TBC1D1: variants seen among roughly 807,000 people sequenced by gnomAD.
TBC1D1 encodes the protein TBC1 (tre-2/USP6, BUB2, cdc16) domain family, member 1.
Under a neutral mutation model 125.6 loss-of-function variants are expected in TBC1D1, and 89 were observed. That is an observed-to-expected ratio of 0.71 (90% CI 0.60 to 0.85). TBC1D1 has a LOEUF of 0.85. Among genes scored for constraint, TBC1D1 ranks in the 40% least tolerant of loss-of-function variants. TBC1D1 has a pLI of 0.00. For missense variants in TBC1D1, 1,377 were observed against 1,469.2 expected, an observed-to-expected ratio of 0.94 and a Z score of 1.03; for synonymous variants, 565 against 564.1, an observed-to-expected ratio of 1.00 and a Z score of -0.02.
At chr4:38,135,701 G>T (rs182495416) in intron 19 of TBC1D1, among the ~76,000 whole-genome samples, 1 of 152,292 alleles carries the variant, frequency 6.6e-6, no homozygotes, top group African/African-American at 2.4e-5. Flanking sequence ...TGCCCAGTAG[G>T]CTGACAAACT....
chr4:38,078,724 C>T, intron 12 of TBC1D1, among the ~76,000 whole-genome samples: 1 of 152,204 alleles, frequency 6.6e-6, no homozygotes, highest in Admixed American at 6.5e-5. Flanking sequence ...TCTTGGACTT[C>T]CCCTCCAGAA....
At chr4:37,901,389 T>G (rs1209191714) in intron 1 of TBC1D1, among the ~76,000 whole-genome samples, 1 of 152,120 alleles carries the variant, frequency 6.6e-6, no homozygotes, top group Non-Finnish European at 1.5e-5. Flanking sequence ...ACTCCTGACC[T>G]CAGGTGATCC....
chr4:37,894,489 T>A (rs1577718685), intron 1 of TBC1D1, among the ~76,000 whole-genome samples: 1 of 152,202 alleles, frequency 6.6e-6, no homozygotes, highest in Admixed American at 6.6e-5. Context: ...CATTTAATTT[T>A]GAGTGTGCCT....
At position 38,137,316 on chromosome 4, in the gene TBC1D1, C is replaced by T. The variant is rs1188008731; in HGVS notation, c.3488C>T (p.Pro1163Leu). The T allele has an allele frequency of 4.3e-6, 7 of 1,610,998 alleles. No homozygotes were observed. The highest frequency in any genetic ancestry group is 5.1e-6 in the Non-Finnish European group (6 of 1,179,560). The change falls in exon 20 of 20, where the codon CCC becomes CTC. Residue 1163 changes from proline to leucine, a missense_variant. By Grantham distance (98) the Pro-to-Leu change is moderately conservative (BLOSUM62 -3). Around this residue, in one of 3 missense-constraint regions of TBC1D1, gnomAD observed 543 missense variants for 613.5 expected, o/e 0.89. Transcript: ENST00000261439. ...GACCGGGAGCCTGAGTGCACGCAGC[C>T]CGAGCCCACGGGCGACTGACAGCTC... is the stretch of plus-strand genomic sequence containing the variant.
intron 2 of TBC1D1, among the ~76,000 whole-genome samples, chr4:38,000,225 A>G (rs1738752335): frequency 6.6e-6 from 1 of 152,130 alleles, no homozygotes; most frequent in African/African-American, 2.4e-5. Flanking sequence ...TGGTGATTGT[A>G]TTTTTGAGAT....
At chr4:38,019,577 G>A (rs1743555816) in intron 4 of TBC1D1, among the ~76,000 whole-genome samples, 1 of 152,122 alleles carries the variant, frequency 6.6e-6, no homozygotes, top group African/African-American at 2.4e-5. Context: ...AAAGAGTGTA[G>A]TTTACAAGTT....
chr4:37,973,777 T>A (rs1285982687), intron 2 of TBC1D1, among the ~76,000 whole-genome samples: 1 of 152,240 alleles, frequency 6.6e-6, no homozygotes, highest in Admixed American at 6.5e-5. Flanking sequence ...CCAGGGCCTA[T>A]TGGTCAGTAC....
intron 2 of TBC1D1, among the ~76,000 whole-genome samples, chr4:37,903,978 A>C (rs1414391917): frequency 6.6e-6 from 1 of 152,184 alleles, no homozygotes. Flanking sequence ...CACACATCTC[A>C]AGTGGGCACG....
chr4:38,043,335 C>T (rs560970632), intron 8 of TBC1D1, among the ~76,000 whole-genome samples: 8 of 151,936 alleles, frequency 5.3e-5, no homozygotes, highest in Non-Finnish European at 8.8e-5. Context: ...TGGTAGCTCA[C>T]TCCTGTAATC....
intron 6 of TBC1D1, among the ~76,000 whole-genome samples, chr4:38,025,194 G>T (rs1424825465): frequency 6.6e-6 from 1 of 152,218 alleles, no homozygotes; most frequent in Non-Finnish European, 1.5e-5. Context: ...CACCGCCAGG[G>T]AGGCGGCCTC....
intron 2 of TBC1D1, among the ~76,000 whole-genome samples, chr4:37,909,728 G>T (rs1251142266): frequency 1.3e-5 from 2 of 152,136 alleles, no homozygotes; most frequent in African/African-American, 4.8e-5. Flanking sequence ...TTCTGAGGGG[G>T]TCTTGTTAGG....
intron 17 of TBC1D1, among the ~76,000 whole-genome samples, chr4:38,120,748 C>T (rs915425650): frequency 6.6e-6 from 1 of 152,158 alleles, no homozygotes; most frequent in Non-Finnish European, 1.5e-5. Context: ...TCAATAGCCC[C>T]TTCCTGTATT....
intron 14 of TBC1D1, among the ~76,000 whole-genome samples, chr4:38,099,731 C>T (rs146370593): frequency 1.1e-3 from 172 of 152,280 alleles, no homozygotes; most frequent in African/African-American, 3.9e-3. Flanking sequence ...GCTCCACTGC[C>T]AGGTTTCTCT....
At chr4:37,917,455 A>T (rs2152266670) in intron 2 of TBC1D1, among the ~76,000 whole-genome samples, 1 of 152,324 alleles carries the variant, frequency 6.6e-6, no homozygotes, top group African/African-American at 2.4e-5. Flanking sequence ...AGCCTAGGCG[A>T]CAGAGCTAGA....
intron 12 of TBC1D1, among the ~76,000 whole-genome samples, chr4:38,058,090 A>G (rs1479056221): frequency 6.6e-6 from 1 of 152,172 alleles, no homozygotes; most frequent in Non-Finnish European, 1.5e-5. Context: ...GGGCATTTTA[A>G]TGTACGTACT....
intron 2 of TBC1D1, among the ~76,000 whole-genome samples, chr4:37,982,896 G>A (rs1255488144): frequency 1.3e-5 from 2 of 152,130 alleles, no homozygotes; most frequent in South Asian, 2.1e-4. Context: ...GAGAATAACG[G>A]GAAGGGCAGG....
In TBC1D1 at chr4:37,954,022, CAG is replaced by C. The variant is rs766243631; in HGVS notation, c.417+51514_417+51515del. Among the ~76,000 whole-genome samples the C allele has an allele frequency of 5.1e-4, 78 of 152,268 alleles. 1 individual carries two copies. Among genetic ancestry groups the C allele is most frequent in the Admixed American group, 2.0e-3 (31 of 15,298 alleles). On this transcript the variant is annotated intron_variant, in intron 2 of 19. Coordinates refer to ENST00000261439, the MANE Select transcript of TBC1D1 (RefSeq NM_015173.4). Reference sequence around the variant, plus strand: ...GCCCATTAAACTCTGGTCTAGAAAACAGAGATACTTAGATATCTCACAGAATA... The same window carrying C: ...GCCCATTAAACTCTGGTCTAGAAAACAGATACTTAGATATCTCACAGAATA...
chr4:38,028,142 CAAA>C (rs371559180), intron 7 of TBC1D1, among the ~76,000 whole-genome samples: 1 of 146,198 alleles, frequency 6.8e-6, no homozygotes, highest in East Asian at 2.0e-4. Context: ...AAAAAAACAG[CAAA>C]AAAAAAAATC....
chr4:38,080,831 T>C (rs1271502038), intron 12 of TBC1D1, among the ~76,000 whole-genome samples: 1 of 152,146 alleles, frequency 6.6e-6, no homozygotes, highest in Admixed American at 6.5e-5. Context: ...TGGAGCTTGG[T>C]TTTCTTTCAT....
Sources: gnomAD v4.1 joint callset for allele counts (sites outside exome capture counted in the v4.1 genomes callset) on GRCh38, gnomAD v4.1.1 for gene constraint, gnomAD v4.1.1 regional missense constraint, MANE v1.5 for transcripts, NCBI Gene and HGNC (gene_info 2026-07-23, HGNC 2026-07-21) for gene names.